OR3A2: variants seen among roughly 807,000 people sequenced by gnomAD.
The protein encoded by OR3A2 is olfactory receptor family 3 subfamily A member 2.
For missense variants in OR3A2, 318 were observed against 392.8 expected (o/e 0.81, Z 1.61); for synonymous variants, 126 against 159.3 (o/e 0.79, Z 1.57).
At chr17:3,292,209 C>T (rs703903) in intron 3 of OR3A2, 887,243 of 1,613,732 alleles carry the variant, frequency 0.55, 251,615 homozygotes, top group East Asian at 0.96. Context: ...GGCCAGGAAT[C>T]GGTCATAGGC....
At chr17:3,340,631 G>A (rs954105372) in intron 2 of OR3A2, among the ~76,000 whole-genome samples, 3 of 152,016 alleles carry the variant, frequency 2.0e-5, no homozygotes, top group South Asian at 2.1e-4. Flanking sequence ...TGGTCAGAGA[G>A]TTTGTTGTGA....
At position 3,372,331 on chromosome 17, in the gene OR3A2, C is replaced by T. The variant is rs1030718214; in HGVS notation, c.-179+11473G>A. Among the ~76,000 whole-genome samples, 417 of 150,662 alleles carry T rather than the reference C, an allele frequency of 2.8e-3. 3 individuals carry two copies. The highest frequency in any genetic ancestry group is 5.8e-3 in the Admixed American group (88 of 15,210). On this transcript the variant is annotated intron_variant, in intron 2 of 4. Transcript: ENST00000573491. ...GGCGGCCGGGCAGAGACACTCCTCA[C>T]TTTCCAGACTGGGCAGCCAGGCAGA...
At chr17:3,341,252 T>C (rs1450926147) in intron 2 of OR3A2, among the ~76,000 whole-genome samples, 1 of 141,334 alleles carries the variant, frequency 7.1e-6, no homozygotes, top group Non-Finnish European at 1.5e-5. Context: ...AATTGGGGCA[T>C]TTAGCTCATT....
In OR3A2 at chr17:3,382,537, G is replaced by A. The variant is rs2049746277; in HGVS notation, c.-179+1267C>T. Among the ~76,000 whole-genome samples the A allele has an allele frequency of 3.9e-5, 6 of 152,328 alleles. No individual in the cohort carries two copies. In the South Asian group the frequency reaches 8.3e-4, roughly 21 times the overall value. On this transcript the variant is annotated intron_variant, in intron 2 of 4. Transcript: ENST00000573491. ...TGAGTTCTGGCATGCTGCCCTTCAGGTGAGAAAACCCAACATTTCTCTGCT... is the reference window on the plus strand; with the variant it reads ...TGAGTTCTGGCATGCTGCCCTTCAGATGAGAAAACCCAACATTTCTCTGCT...
At chr17:3,337,276 TTTAAAA>T (rs146386261) in intron 2 of OR3A2, among the ~76,000 whole-genome samples, 2,182 of 152,294 alleles carry the variant, frequency 0.014, 46 homozygotes, top group African/African-American at 0.05. Flanking sequence ...ATGTGCACTT[TTTAAAA>T]TTATTATTGT....
Position 3,353,883 on chromosome 17 carries a change from G to A in OR3A2, c.-178-17757C>T, listed in dbSNP as rs1349998432. ...TATTATTGACTATAGTCACCCCACTGTGCTATCAAATAGTGGTTCTTATTC... is the reference window on the plus strand; with the variant it reads ...TATTATTGACTATAGTCACCCCACTATGCTATCAAATAGTGGTTCTTATTC... On this transcript the variant is annotated intron_variant, in intron 2 of 4. Transcript: ENST00000573491. Among the ~76,000 whole-genome samples the A allele has an allele frequency of 2.0e-5, 3 of 148,914 alleles. No individual in the cohort carries two copies. In the Admixed American group the frequency reaches 2.1e-4, roughly 10 times the overall value.
intron 2 of OR3A2, among the ~76,000 whole-genome samples, chr17:3,347,365 G>A (rs910800672): frequency 1.3e-5 from 2 of 152,050 alleles, no homozygotes; most frequent in Non-Finnish European, 1.5e-5. Flanking sequence ...TCTAGCATTA[G>A]GTATATCTCC....
intron 3 of OR3A2, among the ~76,000 whole-genome samples, chr17:3,332,313 G>C (rs1395180202): frequency 6.6e-6 from 1 of 152,160 alleles, no homozygotes; most frequent in Admixed American, 6.5e-5. Flanking sequence ...CCCCAGCCTC[G>C]CTGCCGCCTT....
intron 3 of OR3A2, among the ~76,000 whole-genome samples, chr17:3,324,266 T>C (rs2049151679): frequency 6.6e-6 from 1 of 152,120 alleles, no homozygotes; most frequent in African/African-American, 2.4e-5. Flanking sequence ...CGTCTTGATT[T>C]TTTTTCACAG....
chr17:3,350,816 A>T (rs1283447984), intron 2 of OR3A2, among the ~76,000 whole-genome samples: 1 of 148,006 alleles, frequency 6.8e-6, no homozygotes, highest in Non-Finnish European at 1.5e-5. Context: ...CCAGCAGCAC[A>T]TCAAAAAGCT....
At chr17:3,296,902 C>T (rs1316959983) in intron 3 of OR3A2, among the ~76,000 whole-genome samples, 1 of 152,198 alleles carries the variant, frequency 6.6e-6, no homozygotes, top group Non-Finnish European at 1.5e-5. Context: ...TGTTACTTGA[C>T]TGTACTGGGA....
At chr17:3,323,486 T>C (rs915188337) in intron 3 of OR3A2, among the ~76,000 whole-genome samples, 6 of 152,222 alleles carry the variant, frequency 3.9e-5, no homozygotes, top group East Asian at 3.9e-4. Flanking sequence ...GTTTTTGCAG[T>C]GGCTGGTACC....
chr17:3,385,442 T>C (rs555873793), intron 1 of OR3A2, among the ~76,000 whole-genome samples: 2 of 152,076 alleles, frequency 1.3e-5, no homozygotes, highest in African/African-American at 4.8e-5. Flanking sequence ...GGATAGATGA[T>C]AGAGGAGGAT....
At chr17:3,293,611 C>G (rs1469933616) in intron 3 of OR3A2, among the ~76,000 whole-genome samples, 1 of 152,058 alleles carries the variant, frequency 6.6e-6, no homozygotes, top group East Asian at 1.9e-4. Context: ...GGTAAATAAA[C>G]AAGAAAGACA....
chr17:3,378,708 A>G (rs1263425676), intron 2 of OR3A2, among the ~76,000 whole-genome samples: 2 of 151,984 alleles, frequency 1.3e-5, no homozygotes, highest in Non-Finnish European at 2.9e-5. Context: ...TGCATAAACT[A>G]TGGTTCCCAG....
intron 3 of OR3A2, among the ~76,000 whole-genome samples, chr17:3,328,927 T>C (rs1369703610): frequency 2.0e-5 from 3 of 151,772 alleles, no homozygotes; most frequent in South Asian, 4.2e-4. Flanking sequence ...TGAAGTGTTG[T>C]TGAATTTTGT....
At chr17:3,321,597 T>C (rs1241668293) in intron 3 of OR3A2, among the ~76,000 whole-genome samples, 5 of 152,228 alleles carry the variant, frequency 3.3e-5, no homozygotes, top group Non-Finnish European at 7.3e-5. Flanking sequence ...GAAGCGTTGT[T>C]GAATTTTGTC....
intron 2 of OR3A2, among the ~76,000 whole-genome samples, chr17:3,348,018 T>G (rs1294608112): frequency 6.6e-6 from 1 of 152,234 alleles, no homozygotes; most frequent in Non-Finnish European, 1.5e-5. Flanking sequence ...TTTTTTCATG[T>G]GTTTTTTGGC....
rs1597357298 is a variant in OR3A2, at chr17:3,359,103, C to G, written c.-178-22977G>C. Among the ~76,000 whole-genome samples, 3 of 151,702 alleles carry G rather than the reference C, an allele frequency of 2.0e-5. No homozygotes were observed. In the East Asian group the frequency reaches 5.8e-4, roughly 29 times the overall value. ...TTGTCTGAAATTAGGATTGCAACCC[C>G]TGCTTCCTTTTTTCTATTTGCTGGG... is the stretch of plus-strand genomic sequence containing the variant. On this transcript the variant is annotated intron_variant, in intron 2 of 4. Transcript: ENST00000573491.
Sources: gnomAD v4.1 joint callset for allele counts (sites outside exome capture counted in the v4.1 genomes callset) on GRCh38, gnomAD v4.1.1 for gene constraint, MANE v1.5 for transcripts, NCBI Gene and HGNC (gene_info 2026-07-23, HGNC 2026-07-21) for gene names.